Variants in RAD51 observed in about 807,000 individuals in gnomAD.
RAD51 encodes DNA repair protein RAD51 homolog 1.
RAD51 carries 14 observed loss-of-function variants against 41.5 expected under a neutral mutation model. That is an observed-to-expected ratio of 0.34 (90% confidence interval 0.22 to 0.53). RAD51 has a LOEUF of 0.53. Ranked by LOEUF, RAD51 falls within the 20% of genes least tolerant of loss-of-function variation. The pLI, the probability that RAD51 is intolerant of heterozygous loss-of-function variation, is 0.95. For missense variants in RAD51, 234 were observed against 422.0 expected, an observed-to-expected ratio of 0.55 and a Z score of 3.90; for synonymous variants, 136 against 148.6, an observed-to-expected ratio of 0.92 and a Z score of 0.62.
intron 1 of RAD51, among the ~76,000 whole-genome samples, chr15:40,697,579 T>C (rs1438507536): frequency 2.1e-5 from 3 of 140,056 alleles, no homozygotes; most frequent in Admixed American, 1.5e-4. Flanking sequence ...TATTTCTTTT[T>C]TTTTTTTTTT....
intron 7 of RAD51, 30 bp downstream of exon 7, chr15:40,728,854 GT>G (rs1316061941): frequency 3.2e-6 from 5 of 1,541,902 alleles, no homozygotes; most frequent in Non-Finnish European, 4.5e-6. Context: ...CACCAAATAT[GT>G]TCTTAAGAGT....
At chr15:40,707,766 A>G (rs1895444557) in intron 4 of RAD51, among the ~76,000 whole-genome samples, 1 of 151,952 alleles carries the variant, frequency 6.6e-6, no homozygotes. Context: ...TGCCCAGGCT[A>G]GAATGCAGTG....
intron 4 of RAD51, among the ~76,000 whole-genome samples, chr15:40,708,231 CTT>C (rs1222352292): frequency 4.3e-5 from 5 of 116,198 alleles, no homozygotes; most frequent in Non-Finnish European, 3.5e-5. Flanking sequence ...TTGTGCCCAG[CTT>C]TTTTTTTTTT....
chr15:40,721,765 A>G (rs528049937), intron 6 of RAD51, among the ~76,000 whole-genome samples: 17 of 152,350 alleles, frequency 1.1e-4, no homozygotes, highest in South Asian at 8.3e-4. Flanking sequence ...ATTAAAATAG[A>G]TAACAGTGTG....
chr15:40,732,292 A>G lies in RAD51; in HGVS notation c.*1114A>G, dbSNP rs1896909787. On this transcript the variant is annotated 3_prime_UTR_variant, in exon 10 of 10. Coordinates refer to ENST00000267868, the MANE Select transcript of RAD51 (RefSeq NM_002875.5). The stretch of plus-strand genomic sequence containing the variant: ...AACCAGAAAGGAAAGTCCCACTTGC[A>G]GATGATTGTGCTTAAAAGCTAATGG... The G allele has an allele frequency of 5.7e-6, 1 of 174,972 alleles. No individual in the cohort carries two copies. The highest frequency in any genetic ancestry group is 2.4e-5 in the African/African-American group (1 of 42,148). The allele number at this position is 174,972 out of a possible 1,614,324, so 10.8% of individuals were successfully genotyped here. A position where few individuals can be genotyped will look rare whatever the true frequency, so the allele number is the denominator to read the frequency against.
intron 6 of RAD51, among the ~76,000 whole-genome samples, chr15:40,728,197 C>T (rs1201752270): frequency 6.6e-6 from 1 of 152,112 alleles, no homozygotes; most frequent in Non-Finnish European, 1.5e-5. Context: ...GGCGTGGTGG[C>T]TCACGCCTGT....
At chr15:40,723,861 C>G (rs1896405751) in intron 6 of RAD51, among the ~76,000 whole-genome samples, 1 of 152,108 alleles carries the variant, frequency 6.6e-6, no homozygotes, top group Non-Finnish European at 1.5e-5. Context: ...GTTTCTATAT[C>G]AAATAAAGTT....
At chr15:40,709,555 G>T (rs1372820751) in intron 5 of RAD51, among the ~76,000 whole-genome samples, 1 of 151,760 alleles carries the variant, frequency 6.6e-6, no homozygotes, top group Non-Finnish European at 1.5e-5. Flanking sequence ...TGTGTTTTTA[G>T]TAGAGAGGGG....
At chr15:40,730,689 T>A (rs1274354818) in intron 9 of RAD51, among the ~76,000 whole-genome samples, 1 of 151,128 alleles carries the variant, frequency 6.6e-6, no homozygotes, top group East Asian at 2.0e-4. Flanking sequence ...ACCTGGCTAA[T>A]TTTTTTGTAT....
At position 40,731,265 on chromosome 15, in the gene RAD51, TC is replaced by T. The variant is rs2141887496; in HGVS notation, c.*89del. 1.3e-6 allele frequency: 2 copies of T among 1,566,816 alleles called. No homozygotes were observed. Among genetic ancestry groups the T allele is most frequent in the East Asian group, 4.5e-5 (2 of 44,594 alleles). On this transcript the variant is annotated 3_prime_UTR_variant, in exon 10 of 10. Transcript: ENST00000267868. The stretch of plus-strand genomic sequence containing the variant: ...TCCCTGGGGTTCTCTACAGGCCTCT[TC>T]CTGTTGTGACTGCCAGGATAAAGCT...
intron 5 of RAD51, among the ~76,000 whole-genome samples, chr15:40,716,353 G>T (rs1464761568): frequency 6.6e-6 from 1 of 151,730 alleles, no homozygotes. Flanking sequence ...AGAGCTTTCA[G>T]TTTTTTCTCC....
chr15:40,730,957 G>A (rs1034459452), intron 9 of RAD51, 98 bp from the exon 10 acceptor site: 7 of 1,493,282 alleles, frequency 4.7e-6, no homozygotes, highest in Non-Finnish European at 4.6e-6. Flanking sequence ...CTTCTAGGAA[G>A]AATATATGTC....
intron 6 of RAD51, among the ~76,000 whole-genome samples, chr15:40,724,716 G>C (rs1455615424): frequency 2.7e-5 from 3 of 111,102 alleles, no homozygotes; most frequent in Admixed American, 1.4e-4. Context: ...GTCTCGCTCT[G>C]TCGCCCAGGC....
intron 5 of RAD51, among the ~76,000 whole-genome samples, chr15:40,713,212 C>G (rs1423703332): frequency 4.7e-5 from 7 of 147,886 alleles, no homozygotes; most frequent in Non-Finnish European, 1.0e-4. Context: ...ATCAAGTAAC[C>G]TAGCTTGATA....
chr15:40,699,884 C>T (rs749810107), intron 2 of RAD51, among the ~76,000 whole-genome samples: 26 of 152,058 alleles, frequency 1.7e-4, no homozygotes, highest in Non-Finnish European at 3.7e-4. Flanking sequence ...AGGAGGAAAG[C>T]AGAGAAAGAC....
chr15:40,695,856 C>G (rs1894591949), intron 1 of RAD51: 1 of 152,196 alleles, frequency 6.6e-6, no homozygotes, highest in Admixed American at 6.5e-5. Flanking sequence ...AGAGAATGAT[C>G]TGAAGTGAGG....
intron 5 of RAD51, among the ~76,000 whole-genome samples, chr15:40,712,468 G>C (rs1895750536): frequency 6.6e-6 from 1 of 152,206 alleles, no homozygotes; most frequent in African/African-American, 2.4e-5. Context: ...AAGGAAGGGA[G>C]TAGGATATAG....
intron 3 of RAD51, among the ~76,000 whole-genome samples, chr15:40,704,516 C>T (rs2141827034): frequency 6.6e-6 from 1 of 151,922 alleles, no homozygotes; most frequent in South Asian, 2.1e-4. Flanking sequence ...CGCACGCCAC[C>T]ACGCCCAGCT....
intron 2 of RAD51, among the ~76,000 whole-genome samples, 188 bp downstream of exon 2, chr15:40,699,033 C>T (rs1894825913): frequency 6.6e-6 from 1 of 152,222 alleles, no homozygotes; most frequent in African/African-American, 2.4e-5. Flanking sequence ...GGCAGGGCCT[C>T]TTCCTTTGTC....
Sources: allele counts gnomAD v4.1 joint callset (sites outside exome capture counted in the v4.1 genomes callset), GRCh38; gene constraint gnomAD v4.1.1; transcripts MANE v1.5; gene names NCBI Gene and HGNC (gene_info 2026-07-23, HGNC 2026-07-21).